The following EYS variants were observed in gnomAD, a reference collection of about 807,000 sequenced individuals.
EYS encodes protein eyes shut homolog.
Under a neutral mutation model 282.1 loss-of-function variants are expected in EYS, and 250 were observed. That is an observed-to-expected ratio of 0.89 (90% CI 0.80 to 0.98). The LOEUF is 0.98. Among genes scored for constraint, EYS ranks in the 50% least tolerant of loss-of-function variants. EYS has a pLI of 0.00. For missense variants in EYS, 4,016 were observed against 3,709.0 expected (o/e 1.08, Z -2.15); for synonymous variants, 1,355 against 1,282.9 (o/e 1.06, Z -1.20).
rs1457429302 is a variant in EYS at position 64,510,983 on chromosome 6, T to C, written c.5645-71631A>G. On this transcript the variant is annotated intron_variant, in intron 26 of 42. Transcript: ENST00000503581. ...ATCCTTCCTTGGGTGGAGCTTCAGC[T>C]TCATCTGTTCTGTCCTTCTCTCCTC... Among the ~76,000 whole-genome samples the C allele has an allele frequency of 3.9e-5, 6 of 152,052 alleles. No individual in the cohort carries two copies. In the South Asian group the frequency reaches 1.2e-3, roughly 31 times the overall value.
At chr6:64,232,763 A>G (rs1346285555) in intron 30 of EYS, among the ~76,000 whole-genome samples, 1 of 152,178 alleles carries the variant, frequency 6.6e-6, no homozygotes, top group African/African-American at 2.4e-5. Flanking sequence ...TTATAGCTCC[A>G]TTATGTAACT....
At chr6:63,955,999 T>G (rs1765800364) in intron 35 of EYS, among the ~76,000 whole-genome samples, 1 of 152,194 alleles carries the variant, frequency 6.6e-6, no homozygotes, top group Non-Finnish European at 1.5e-5. Flanking sequence ...TTCCTTCAGC[T>G]TAATCTCTCC....
chr6:64,757,186 G>GT (rs1018403178), intron 22 of EYS, among the ~76,000 whole-genome samples: 3 of 152,104 alleles, frequency 2.0e-5, no homozygotes, highest in Admixed American at 2.0e-4. Flanking sequence ...ATGACCTGAT[G>GT]TTTTTTGTCT....
intron 41 of EYS, among the ~76,000 whole-genome samples, chr6:63,748,355 C>CA (rs1161910917): frequency 2.0e-5 from 3 of 152,158 alleles, no homozygotes; most frequent in Non-Finnish European, 4.4e-5. Context: ...TTTTGGTGGA[C>CA]AAGCTTTTTG....
rs189001419 is a variant in EYS, at chr6:64,923,149, G to A, written c.2382-10406C>T. Among the ~76,000 whole-genome samples the A allele has an allele frequency of 3.3e-3, 502 of 151,604 alleles. 9 individuals carry two copies. The highest frequency in any genetic ancestry group is 0.011 in the African/African-American group (474 of 41,452). On this transcript the variant is annotated intron_variant, in intron 15 of 42. Transcript: ENST00000503581. The stretch of plus-strand genomic sequence containing the variant: ...TGCTGATAAAGACATACTAGACACG[G>A]GGGAAAAAAAGGTTTCATTGGACTT...
At chr6:64,125,441 C>A (rs1016973801) in intron 31 of EYS, among the ~76,000 whole-genome samples, 1 of 151,768 alleles carries the variant, frequency 6.6e-6, no homozygotes, top group East Asian at 1.9e-4. Context: ...ACCAGCTTGC[C>A]CAATTGTAAG....
At chr6:64,893,887 A>G (rs903510669) in intron 18 of EYS, among the ~76,000 whole-genome samples, 3 of 152,038 alleles carry the variant, frequency 2.0e-5, no homozygotes, top group Non-Finnish European at 4.4e-5. Flanking sequence ...TTACACATAT[A>G]TGTACACACA....
At chr6:64,921,041 A>G (rs563860871) in intron 15 of EYS, among the ~76,000 whole-genome samples, 1 of 152,266 alleles carries the variant, frequency 6.6e-6, no homozygotes, top group East Asian at 1.9e-4. Context: ...ATTACAAGCA[A>G]TGAGGAAACA....
At chr6:65,131,133 A>C (rs1775863442) in intron 12 of EYS, among the ~76,000 whole-genome samples, 1 of 151,534 alleles carries the variant, frequency 6.6e-6, no homozygotes. Context: ...CATATTAATC[A>C]CCTCTCTTAG....
At chr6:64,530,859 G>A (rs1351251932) in intron 26 of EYS, among the ~76,000 whole-genome samples, 2 of 151,956 alleles carry the variant, frequency 1.3e-5, no homozygotes, top group Non-Finnish European at 2.9e-5. Flanking sequence ...AAAGCTAAAC[G>A]TGAGTACATC....
At chr6:64,354,985 T>C (rs567717444) in intron 29 of EYS, among the ~76,000 whole-genome samples, 2 of 151,730 alleles carry the variant, frequency 1.3e-5, no homozygotes, top group Non-Finnish European at 3.0e-5. Context: ...CAATTGTTTC[T>C]GTAGCTGAAT....
chr6:64,689,428 A>G (rs931284358), intron 22 of EYS, among the ~76,000 whole-genome samples: 2 of 150,544 alleles, frequency 1.3e-5, no homozygotes, highest in African/African-American at 4.9e-5. Flanking sequence ...TGCCATCCCC[A>G]TCAAGCTACC....
chr6:63,842,532 A>G (rs963477385), intron 36 of EYS, among the ~76,000 whole-genome samples: 1 of 152,184 alleles, frequency 6.6e-6, no homozygotes, highest in African/African-American at 2.4e-5. Flanking sequence ...GATAGGTTGT[A>G]AAAATTTTCT....
At chr6:64,194,837 T>C (rs1054628781) in intron 31 of EYS, among the ~76,000 whole-genome samples, 8 of 152,152 alleles carry the variant, frequency 5.3e-5, no homozygotes, top group African/African-American at 1.9e-4. Context: ...AGCTAAAATT[T>C]CATAATATAA....
chr6:64,855,937 G>T (rs1766044800), intron 19 of EYS, among the ~76,000 whole-genome samples: 1 of 152,000 alleles, frequency 6.6e-6, no homozygotes, highest in Non-Finnish European at 1.5e-5. Context: ...TCTTTTCATG[G>T]TTTGATAGCT....
chr6:64,172,646 T>C (rs1313510408), intron 31 of EYS, among the ~76,000 whole-genome samples: 1 of 152,162 alleles, frequency 6.6e-6, no homozygotes, highest in Non-Finnish European at 1.5e-5. Flanking sequence ...CCTCCTACTG[T>C]GTGGCTCATT....
At chr6:63,873,327 T>TA in intron 35 of EYS, among the ~76,000 whole-genome samples, 1 of 152,200 alleles carries the variant, frequency 6.6e-6, no homozygotes, top group Non-Finnish European at 1.5e-5. Flanking sequence ...ACAAAGGACA[T>TA]GAACTCATCC....
At chr6:65,264,390 CA>C (rs1382682665) in intron 12 of EYS, among the ~76,000 whole-genome samples, 1 of 152,014 alleles carries the variant, frequency 6.6e-6, no homozygotes, top group Non-Finnish European at 1.5e-5. Flanking sequence ...TTTAAACATG[CA>C]GAGAATGAGA....
chr6:65,659,401 A>G (rs977499690), intron 1 of EYS, among the ~76,000 whole-genome samples: 9 of 151,686 alleles, frequency 5.9e-5, no homozygotes, highest in African/African-American at 2.2e-4. Context: ...ATATCCTAGA[A>G]AGTAAAATGT....
Sources: allele counts gnomAD v4.1 joint callset (sites outside exome capture counted in the v4.1 genomes callset), GRCh38; gene constraint gnomAD v4.1.1; transcripts MANE v1.5; gene names NCBI Gene and HGNC (gene_info 2026-07-23, HGNC 2026-07-21).